LARP4B: variants seen among roughly 807,000 people sequenced by gnomAD.
LARP4B encodes La ribonucleoprotein 4B.
A neutral mutation model predicts 89.8 loss-of-function variants in LARP4B; 12 were observed. The observed-to-expected ratio is 0.13, with a 90% CI of 0.09 to 0.22. The LOEUF is 0.22. Among genes scored for constraint, LARP4B ranks in the 10% least tolerant of loss-of-function variants. The probability of loss-of-function intolerance (pLI) is 1.00; values close to 1 mark genes in which losing one functional copy is unlikely to be tolerated. For synonymous variants in LARP4B, 367 were observed against 363.3 expected (o/e 1.01, Z -0.12); for missense variants, 757 against 947.7 (o/e 0.80, Z 2.64).
intron 6 of LARP4B, among the ~76,000 whole-genome samples, chr10:844,083 C>T (rs1833658783): frequency 6.6e-6 from 1 of 152,218 alleles, no homozygotes; most frequent in African/African-American, 2.4e-5. Flanking sequence ...GCTCAGTGTC[C>T]CTCGGTGAAG....
intron 5 of LARP4B, among the ~76,000 whole-genome samples, chr10:854,396 T>C (rs892971345): frequency 6.6e-6 from 1 of 152,196 alleles, no homozygotes; most frequent in African/African-American, 2.4e-5. Flanking sequence ...TAGAGCCTTA[T>C]GAAATGTATT....
At chr10:949,316 G>A in the LARP4B span, among the ~76,000 whole-genome samples, 4 of 146,204 alleles carry the variant, frequency 2.7e-5, no homozygotes, top group African/African-American at 5.1e-5. Context: ...CACCAGCCCC[G>A]CGTGAGTGAG....
chr10:914,996 T>C (rs1836781141), intron 1 of LARP4B, among the ~76,000 whole-genome samples: 5 of 152,222 alleles, frequency 3.3e-5, no homozygotes. Context: ...ATATACAACG[T>C]ACACAAATGC....
At chr10:940,709 C>T in the LARP4B span, among the ~76,000 whole-genome samples, 1 of 152,180 alleles carries the variant, frequency 6.6e-6, no homozygotes, top group Admixed American at 6.5e-5. Flanking sequence ...CCATTTGGAC[C>T]AGAAGGCATG....
At chr10:892,775 G>A (rs530738276) in intron 1 of LARP4B, among the ~76,000 whole-genome samples, 315 of 152,160 alleles carry the variant, frequency 2.1e-3, no homozygotes, top group African/African-American at 7.1e-3. Flanking sequence ...TCCTGACCTT[G>A]TGATCCACCC....
At chr10:979,346 T>C in the LARP4B span, among the ~76,000 whole-genome samples, 1 of 152,190 alleles carries the variant, frequency 6.6e-6, no homozygotes, top group Non-Finnish European at 1.5e-5. Context: ...CCCCTGGAAG[T>C]TGACTTCTAC....
the LARP4B span, among the ~76,000 whole-genome samples, chr10:943,143 C>T: frequency 2.0e-5 from 3 of 152,070 alleles, no homozygotes; most frequent in Non-Finnish European, 2.9e-5. Flanking sequence ...GACAGGGTTT[C>T]GTCATGTTGC....
At chr10:815,152 G>A (rs1831967587) in intron 15 of LARP4B, 82 bp from the exon 16 acceptor site, 2 of 1,480,240 alleles carry the variant, frequency 1.4e-6, no homozygotes, top group Admixed American at 4.7e-5. Flanking sequence ...CCCCACCCGT[G>A]AACAGCCTTG....
chr10:890,418 T>C (rs1273825529), intron 1 of LARP4B, among the ~76,000 whole-genome samples: 4 of 152,226 alleles, frequency 2.6e-5, no homozygotes, highest in African/African-American at 9.6e-5. Flanking sequence ...TTAACAGATA[T>C]ATTTCATTTT....
Position 841,191 on chromosome 10 carries a change from A to T in LARP4B, c.646+1741T>A, listed in dbSNP as rs530715105. Among the ~76,000 whole-genome samples, 202 of 151,458 alleles carry T rather than the reference A, an allele frequency of 1.3e-3. 1 individual carries two copies. Among genetic ancestry groups the T allele is most frequent in the Admixed American group, 5.0e-3 (76 of 15,188 alleles). ...TTCATTCGTCCATTCAACTTAATTT[A>T]AAAAAAAAGTAAGATGAGAACTTTG... On this transcript the variant is annotated intron_variant, in intron 7 of 17. Transcript: ENST00000316157.
At position 829,099 on chromosome 10, in the gene LARP4B, G is replaced by C. The variant is rs190038118; in HGVS notation, c.1125+286C>G. Among the ~76,000 whole-genome samples the C allele has an allele frequency of 1.5e-3, 233 of 152,280 alleles. 2 individuals carry two copies. The South Asian group carries it at 0.02, about 13-fold the overall frequency. ...CCCCCTTGCATTGTACTCTGTGTAGGGGACGCCAGGTACACTACAGCACTT... is the reference window on the plus strand; with the variant it reads ...CCCCCTTGCATTGTACTCTGTGTAGCGGACGCCAGGTACACTACAGCACTT... On this transcript the variant is annotated intron_variant, in intron 11 of 17. Coordinates refer to ENST00000316157, the MANE Select transcript of LARP4B (RefSeq NM_015155.3).
chr10:928,201 G>A (rs1481461233), intron 1 of LARP4B, among the ~76,000 whole-genome samples: 7 of 149,784 alleles, frequency 4.7e-5, no homozygotes, highest in Non-Finnish European at 4.4e-5. Context: ...CAGCTTGGGC[G>A]ACAAGAGTGA....
At chr10:935,728 T>C (rs1160660926), upstream of LARP4B, among the ~76,000 whole-genome samples, 83 of 140,078 alleles carry the variant, frequency 5.9e-4, no homozygotes, top group South Asian at 1.2e-3. Flanking sequence ...TTTTCTTTTT[T>C]TTTTTTTTTT....
chr10:863,575 A>C (rs989916702), intron 5 of LARP4B, among the ~76,000 whole-genome samples, 168 bp downstream of exon 5: 1 of 152,022 alleles, frequency 6.6e-6, no homozygotes, highest in Non-Finnish European at 1.5e-5. Context: ...GCACCTCCCT[A>C]ACCAGGGCCT....
At chr10:854,182 A>G (rs745882747) in intron 5 of LARP4B, among the ~76,000 whole-genome samples, 1 of 152,210 alleles carries the variant, frequency 6.6e-6, no homozygotes, top group South Asian at 2.1e-4. Flanking sequence ...TTCTGATTCC[A>G]GTTCTCTTCC....
rs967339718 is a variant in LARP4B at position 809,529 on chromosome 10, A to G, written c.*3397T>C. Reference sequence around the variant, plus strand: ...TTGAAGAAATTTTAATTTAAAAAAAATCAAAAGAAAAATTGAACAGTGCCT... The same window carrying G: ...TTGAAGAAATTTTAATTTAAAAAAAGTCAAAAGAAAAATTGAACAGTGCCT... On this transcript the variant is annotated 3_prime_UTR_variant, in exon 18 of 18. Coordinates refer to ENST00000316157, the MANE Select transcript of LARP4B (RefSeq NM_015155.3). The G allele has an allele frequency of 1.3e-5, 2 of 152,290 alleles. No individual in the cohort carries two copies. The highest frequency in any genetic ancestry group is 1.9e-4 in the East Asian group (1 of 5,206). 9.4% of individuals were successfully genotyped at this position (152,290 alleles called of 1,614,324 possible). A position where few individuals can be genotyped will look rare whatever the true frequency, so the allele number is the denominator to read the frequency against.
chr10:892,145 A>G (rs1358142008), intron 1 of LARP4B, among the ~76,000 whole-genome samples: 1 of 152,232 alleles, frequency 6.6e-6, no homozygotes, highest in Non-Finnish European at 1.5e-5. Context: ...CGGGCTCCGC[A>G]CTCGCCAGTG....
chr10:968,372 C>A, the LARP4B span, among the ~76,000 whole-genome samples: 3 of 152,110 alleles, frequency 2.0e-5, no homozygotes, highest in Admixed American at 2.0e-4. Context: ...AGATAGTTTC[C>A]AAAGAATGTT....
At chr10:905,454 GAAGTC>G (rs1455510642) in intron 1 of LARP4B, among the ~76,000 whole-genome samples, 1 of 152,136 alleles carries the variant, frequency 6.6e-6, no homozygotes, top group Non-Finnish European at 1.5e-5. Flanking sequence ...TCACACCTCA[GAAGTC>G]AAGACAAGGA....
Sources: gnomAD v4.1 joint callset for allele counts (sites outside exome capture counted in the v4.1 genomes callset) on GRCh38, gnomAD v4.1.1 for gene constraint, MANE v1.5 for transcripts, NCBI Gene and HGNC (gene_info 2026-07-23, HGNC 2026-07-21) for gene names.